CADM2: variants seen among roughly 807,000 people sequenced by gnomAD.
CADM2 encodes cell adhesion molecule 2, also known as immunoglobulin superfamily member 4D.
In CADM2, 12 loss-of-function variants were observed where a neutral mutation model predicts 49.8. The observed-to-expected ratio is 0.24, with a 90% CI of 0.15 to 0.39. The LOEUF is 0.39. Among genes scored for constraint, CADM2 ranks in the 10% least tolerant of loss-of-function variants. CADM2 has a pLI of 1.00. For missense variants in CADM2, 378 were observed against 492.3 expected (o/e 0.77, Z 2.20); for synonymous variants, 214 against 175.4 (o/e 1.22, Z -1.74).
chr3:86,066,273 C>T (rs1345690950), intron 9 of CADM2, among the ~76,000 whole-genome samples: 1 of 125,738 alleles, frequency 8.0e-6, no homozygotes, highest in African/African-American at 3.0e-5. Context: ...GCGGAGCTTG[C>T]GGTGAGCTGA....
intron 6 of CADM2, among the ~76,000 whole-genome samples, chr3:85,934,678 A>G (rs1259216888): frequency 3.3e-5 from 5 of 152,116 alleles, no homozygotes; most frequent in African/African-American, 4.8e-5. Context: ...TTATTATTCT[A>G]TATAGGAGAA....
chr3:85,813,595 C>A (rs952560909), intron 3 of CADM2, among the ~76,000 whole-genome samples: 1 of 152,092 alleles, frequency 6.6e-6, no homozygotes, highest in African/African-American at 2.4e-5. Flanking sequence ...TTGTGTTTTA[C>A]ACATGAAGTC....
Position 86,066,565 on chromosome 3 carries a change from C to G in CADM2, c.1097-100C>G, listed in dbSNP as rs949902313. The G allele has an allele frequency of 9.1e-5, 82 of 900,004 alleles. No homozygotes were observed. The Admixed American group carries it at 1.6e-3, about 18-fold the overall frequency. The allele number at this position is 900,004 out of a possible 1,614,324, so 55.8% of individuals were successfully genotyped here. A position where few individuals can be genotyped will look rare whatever the true frequency, so the allele number is the denominator to read the frequency against. On this transcript the variant is annotated intron_variant, in intron 9 of 9. Transcript: ENST00000383699. The stretch of plus-strand genomic sequence containing the variant: ...GTCAATCGGGTAGCATATTAGGTCT[C>G]AAAAATCTGGCAAAAGTTTCTTCCT...
chr3:85,933,877 A>T (rs7626873), intron 6 of CADM2, among the ~76,000 whole-genome samples: 105,989 of 151,964 alleles, frequency 0.7, 38,579 homozygotes, highest in African/African-American at 0.92. Flanking sequence ...GCAGCCTTTT[A>T]ATTTTATTTA....
At chr3:86,014,168 T>A in intron 8 of CADM2, 1 of 1,292,186 alleles carries the variant, frequency 7.7e-7, no homozygotes, top group Non-Finnish European at 1.1e-6. Flanking sequence ...TGCAAGCACT[T>A]GTTTTAGGTT....
chr3:85,624,257 A>G lies in CADM2; in HGVS notation c.62-102265A>G, dbSNP rs553634923. Among the ~76,000 whole-genome samples, 3 of 152,286 alleles carry G rather than the reference A, an allele frequency of 2.0e-5. No individual in the cohort carries two copies. The South Asian group carries it at 6.2e-4, about 32-fold the overall frequency. On this transcript the variant is annotated intron_variant, in intron 1 of 9. Transcript: ENST00000383699. ...TTCAGATTCTTAGTGTTAACATAAT[A>G]TCTAGCCAGACTATTTGACAGTTGT...
chr3:85,897,647 T>G (rs1470075256), intron 5 of CADM2, among the ~76,000 whole-genome samples: 1 of 151,868 alleles, frequency 6.6e-6, no homozygotes, highest in African/African-American at 2.4e-5. Flanking sequence ...CTTGTTTTAC[T>G]TTTTTTTGGA....
intron 1 of CADM2, among the ~76,000 whole-genome samples, chr3:85,673,140 A>G (rs2065792211): frequency 6.6e-6 from 1 of 152,194 alleles, no homozygotes; most frequent in African/African-American, 2.4e-5. Flanking sequence ...CCAGGGGACA[A>G]GTGTTCCACA....
At chr3:85,177,466 T>C (rs1314468704) in intron 1 of CADM2, among the ~76,000 whole-genome samples, 3 of 152,008 alleles carry the variant, frequency 2.0e-5, no homozygotes, top group African/African-American at 7.2e-5. Context: ...CTATAGGTAA[T>C]TTCAACTAAT....
At chr3:85,175,839 AG>A (rs2040767992) in intron 1 of CADM2, among the ~76,000 whole-genome samples, 1 of 152,044 alleles carries the variant, frequency 6.6e-6, no homozygotes. Context: ...AGAGTAAAAA[AG>A]CCTCTGATAA....
intron 1 of CADM2, among the ~76,000 whole-genome samples, chr3:85,212,884 T>TTCTCTCTCTCTCTCTCTCTC (rs751474274): frequency 1.3e-5 from 1 of 78,610 alleles, no homozygotes; most frequent in East Asian, 2.7e-4. Context: ...CTTTCTTTCT[T>TTCTCTCTCTCTCTCTCTCTC]TCTCTTTCTT....
intron 1 of CADM2, among the ~76,000 whole-genome samples, chr3:85,328,534 C>T (rs566376134): frequency 7.9e-5 from 12 of 152,206 alleles, no homozygotes; most frequent in Admixed American, 4.6e-4. Flanking sequence ...TTCCAATTTG[C>T]GCTGGATAAA....
At chr3:85,299,832 T>A (rs2044051426) in intron 1 of CADM2, among the ~76,000 whole-genome samples, 1 of 152,090 alleles carries the variant, frequency 6.6e-6, no homozygotes, top group African/African-American at 2.4e-5. Flanking sequence ...TAGGAGACCA[T>A]TACTGTGTAG....
At chr3:85,010,199 A>G (rs2033924395) in intron 1 of CADM2, among the ~76,000 whole-genome samples, 1 of 152,154 alleles carries the variant, frequency 6.6e-6, no homozygotes, top group African/African-American at 2.4e-5. Flanking sequence ...TATTAATGCA[A>G]CCCAAGATCC....
chr3:85,165,912 T>C (rs954031270), intron 1 of CADM2, among the ~76,000 whole-genome samples: 1 of 151,756 alleles, frequency 6.6e-6, no homozygotes, highest in Non-Finnish European at 1.5e-5. Flanking sequence ...GTGATGTAGC[T>C]ATATTATAAA....
At chr3:85,856,038 T>A (rs950325434) in intron 3 of CADM2, among the ~76,000 whole-genome samples, 1 of 152,200 alleles carries the variant, frequency 6.6e-6, no homozygotes, top group South Asian at 2.1e-4. Context: ...GACCCTCTTC[T>A]ACATTTCTTG....
intron 8 of CADM2, among the ~76,000 whole-genome samples, chr3:86,051,811 C>T (rs903774355): frequency 5.9e-5 from 9 of 152,072 alleles, no homozygotes; most frequent in African/African-American, 1.9e-4. Flanking sequence ...CACTCACTAT[C>T]GTTAAAACAG....
At chr3:85,028,495 T>C (rs1451449127) in intron 1 of CADM2, among the ~76,000 whole-genome samples, 1 of 152,200 alleles carries the variant, frequency 6.6e-6, no homozygotes. Context: ...AAAAATTGTA[T>C]AATTTACCTA....
intron 1 of CADM2, among the ~76,000 whole-genome samples, chr3:85,324,827 C>T (rs1230343521): frequency 6.6e-6 from 1 of 152,160 alleles, no homozygotes; most frequent in East Asian, 1.9e-4. Flanking sequence ...GTCCCAGCTT[C>T]CAAAGAAACT....
Sources: gnomAD v4.1 joint callset for allele counts (sites outside exome capture counted in the v4.1 genomes callset) on GRCh38, gnomAD v4.1.1 for gene constraint, MANE v1.5 for transcripts, NCBI Gene and HGNC (gene_info 2026-07-23, HGNC 2026-07-21) for gene names.